ANKRD45: variants seen among roughly 807,000 people sequenced by gnomAD.
ANKRD45 encodes ankyrin repeat domain-containing protein 45.
In ANKRD45, 21 loss-of-function variants were observed where a neutral mutation model predicts 28.1. That is an observed-to-expected ratio of 0.75 (90% CI 0.53 to 1.08). ANKRD45 has a LOEUF of 1.08. ANKRD45 is among the 50% of genes least tolerant of loss of function. The pLI is 0.00. For synonymous variants in ANKRD45, 86 were observed against 103.9 expected (o/e 0.83, Z 1.05); for missense variants, 261 against 308.7 (o/e 0.85, Z 1.16).
At chr1:173,662,438 G>C in intron 1 of ANKRD45, among the ~76,000 whole-genome samples, 1 of 152,278 alleles carries the variant, frequency 6.6e-6, no homozygotes, top group South Asian at 2.1e-4. Context: ...TTCTTTGGCT[G>C]TAAATAATAC....
intron 3 of ANKRD45, among the ~76,000 whole-genome samples, chr1:173,642,749 C>T (rs1423645923): frequency 6.6e-6 from 1 of 152,220 alleles, no homozygotes; most frequent in Non-Finnish European, 1.5e-5. Context: ...GTTAATTCCT[C>T]TCTTCCTTTG....
At chr1:173,638,373 C>T (rs1668549956) in intron 3 of ANKRD45, among the ~76,000 whole-genome samples, 1 of 152,004 alleles carries the variant, frequency 6.6e-6, no homozygotes, top group South Asian at 2.1e-4. Flanking sequence ...AGGGATTGGG[C>T]CTATCTAGGA....
chr1:173,710,742 T>C, the ANKRD45 span, among the ~76,000 whole-genome samples: 1 of 152,232 alleles, frequency 6.6e-6, no homozygotes, highest in East Asian at 1.9e-4. Context: ...TTTTATCTAC[T>C]GGGAAACTGC....
At chr1:173,697,524 G>T in the ANKRD45 span, among the ~76,000 whole-genome samples, 29 of 152,154 alleles carry the variant, frequency 1.9e-4, no homozygotes, top group Non-Finnish European at 3.8e-4. Context: ...CATTCTTAAA[G>T]AAAAGAATGT....
chr1:173,610,292 A>G (rs1234594940), intron 5 of ANKRD45, 77 bp from the exon 6 acceptor site: 13 of 1,335,826 alleles, frequency 9.7e-6, no homozygotes, highest in East Asian at 2.3e-5. Flanking sequence ...TTTTAAGACA[A>G]TAAGAATGGA....
chr1:173,654,916 A>T (rs1289711036), intron 2 of ANKRD45, among the ~76,000 whole-genome samples: 1 of 152,172 alleles, frequency 6.6e-6, no homozygotes, highest in East Asian at 1.9e-4. Context: ...CATGCATCAC[A>T]TAGTTCTCCT....
chr1:173,627,335 C>T (rs1247321957), intron 3 of ANKRD45, among the ~76,000 whole-genome samples, 176 bp from the exon 4 acceptor site: 1 of 152,170 alleles, frequency 6.6e-6, no homozygotes, highest in African/African-American at 2.4e-5. Flanking sequence ...ATCACAGTAG[C>T]TCCTTTTAAC....
At chr1:173,664,900 TG>T in intron 1 of ANKRD45, among the ~76,000 whole-genome samples, 1 of 152,266 alleles carries the variant, frequency 6.6e-6, no homozygotes, top group East Asian at 1.9e-4. Context: ...CAGAGAGACT[TG>T]GGTTCACAAT....
At chr1:173,676,108 G>A in the ANKRD45 span, among the ~76,000 whole-genome samples, 8 of 152,168 alleles carry the variant, frequency 5.3e-5, no homozygotes, top group East Asian at 9.6e-4. Context: ...TTTCCAAGGG[G>A]CTTTTATTGG....
At chr1:173,613,106 G>A (rs1234999620) in intron 5 of ANKRD45, among the ~76,000 whole-genome samples, 3 of 151,732 alleles carry the variant, frequency 2.0e-5, no homozygotes, top group South Asian at 2.1e-4. Flanking sequence ...GGGAAGTGAA[G>A]AGCGCCTCTT....
At chr1:173,709,874 C>G in the ANKRD45 span, among the ~76,000 whole-genome samples, 1 of 152,188 alleles carries the variant, frequency 6.6e-6, no homozygotes, top group Non-Finnish European at 1.5e-5. Flanking sequence ...TCAAGCAATA[C>G]TTCTGCCTGG....
chr1:173,668,739 C>T (rs889727243), intron 1 of ANKRD45, among the ~76,000 whole-genome samples: 8 of 152,144 alleles, frequency 5.3e-5, no homozygotes, highest in African/African-American at 7.2e-5. Context: ...TGAAAGGAAC[C>T]AGATCAGTCA....
intron 5 of ANKRD45, among the ~76,000 whole-genome samples, chr1:173,624,090 C>T (rs1428687106): frequency 6.6e-6 from 1 of 151,856 alleles, no homozygotes; most frequent in Non-Finnish European, 1.5e-5. Flanking sequence ...TGCACATGTA[C>T]CCTGCAACTT....
the ANKRD45 span, among the ~76,000 whole-genome samples, chr1:173,702,123 A>G: frequency 6.6e-6 from 1 of 152,196 alleles, no homozygotes; most frequent in African/African-American, 2.4e-5. Context: ...TGGATTGGAA[A>G]AGATCAGACA....
chr1:173,645,731 C>T (rs1310501440), intron 3 of ANKRD45, among the ~76,000 whole-genome samples: 1 of 152,198 alleles, frequency 6.6e-6, no homozygotes, highest in Non-Finnish European at 1.5e-5. Flanking sequence ...TTGTCACCAT[C>T]CTCCAACATG....
chr1:173,632,730 G>A (rs1394558168), intron 3 of ANKRD45, among the ~76,000 whole-genome samples: 2 of 151,986 alleles, frequency 1.3e-5, no homozygotes, highest in African/African-American at 4.8e-5. Context: ...ATCAATTAAT[G>A]TGATACATCA....
chr1:173,705,618 G>A, the ANKRD45 span, among the ~76,000 whole-genome samples: 1 of 151,712 alleles, frequency 6.6e-6, no homozygotes. Flanking sequence ...AGTGCGCTGT[G>A]TTTGCACCAC....
chr1:173,616,070 T>C (rs1667455466), intron 5 of ANKRD45, among the ~76,000 whole-genome samples: 1 of 150,352 alleles, frequency 6.7e-6, no homozygotes, highest in African/African-American at 2.5e-5. Flanking sequence ...GCCACCGCAC[T>C]CCAGCCTGGG....
intron 2 of ANKRD45, among the ~76,000 whole-genome samples, chr1:173,656,206 G>C (rs1488566301): frequency 6.6e-6 from 1 of 152,216 alleles, no homozygotes. Context: ...GGGATCTGCA[G>C]ACTGGAGCTG....
Sources: allele counts gnomAD v4.1 joint callset (sites outside exome capture counted in the v4.1 genomes callset), GRCh38; gene constraint gnomAD v4.1.1; transcripts MANE v1.5; gene names NCBI Gene and HGNC (gene_info 2026-07-23, HGNC 2026-07-21).